PPARGC1A: variants seen among roughly 807,000 people sequenced by gnomAD.
PPARGC1A encodes the protein peroxisome proliferator-activated receptor gamma coactivator 1-alpha.
In PPARGC1A, 25 loss-of-function variants were observed where a neutral mutation model predicts 88.7. That is an observed-to-expected ratio of 0.28 (90% confidence interval 0.21 to 0.39). The LOEUF is 0.39. Ranked by LOEUF, PPARGC1A falls within the 10% of genes least tolerant of loss-of-function variation. The pLI is 1.00. For synonymous variants in PPARGC1A, 363 were observed against 355.6 expected, an observed-to-expected ratio of 1.02 and a Z score of -0.24; for missense variants, 880 against 968.7, an observed-to-expected ratio of 0.91 and a Z score of 1.22.
the PPARGC1A span, among the ~76,000 whole-genome samples, chr4:23,964,682 A>G: frequency 3.3e-5 from 5 of 152,156 alleles, no homozygotes; most frequent in South Asian, 2.1e-4. Context: ...ATCACACAGG[A>G]ATGTGTGTGC....
the PPARGC1A span, among the ~76,000 whole-genome samples, chr4:24,357,329 G>T: frequency 2.0e-5 from 3 of 152,192 alleles, no homozygotes; most frequent in Non-Finnish European, 4.4e-5. Context: ...GGCACAGCTA[G>T]AGCCAAACCC....
At chr4:24,324,241 C>T in the PPARGC1A span, among the ~76,000 whole-genome samples, 4 of 151,950 alleles carry the variant, frequency 2.6e-5, no homozygotes, top group Admixed American at 1.3e-4. Flanking sequence ...CCCTTCTCTG[C>T]CTTTCCTGGG....
chr4:24,283,594 T>C, the PPARGC1A span, among the ~76,000 whole-genome samples: 1 of 152,164 alleles, frequency 6.6e-6, no homozygotes, highest in African/African-American at 2.4e-5. Flanking sequence ...GAAAGAATGA[T>C]AACAACCATC....
At chr4:24,297,542 T>A in the PPARGC1A span, among the ~76,000 whole-genome samples, 1 of 152,184 alleles carries the variant, frequency 6.6e-6, no homozygotes, top group South Asian at 2.1e-4. Context: ...ATAATCTTGA[T>A]ATCTGGAAGA....
the PPARGC1A span, among the ~76,000 whole-genome samples, chr4:24,030,374 T>C: frequency 6.6e-6 from 1 of 152,238 alleles, no homozygotes; most frequent in Non-Finnish European, 1.5e-5. Context: ...TCATTTATAA[T>C]GGCTGATGTC....
At chr4:24,341,392 T>G in the PPARGC1A span, among the ~76,000 whole-genome samples, 3 of 152,118 alleles carry the variant, frequency 2.0e-5, no homozygotes, top group Non-Finnish European at 4.4e-5. Context: ...GGCACATATA[T>G]TTTAAGAACC....
the PPARGC1A span, among the ~76,000 whole-genome samples, chr4:24,359,398 G>C: frequency 1.8e-4 from 27 of 151,922 alleles, no homozygotes; most frequent in African/African-American, 5.8e-4. Flanking sequence ...CCTTTATCCC[G>C]GTCTCTACCC....
chr4:24,322,292 TTA>T, the PPARGC1A span, among the ~76,000 whole-genome samples: 1 of 152,226 alleles, frequency 6.6e-6, no homozygotes. Flanking sequence ...AGAGTATTTT[TTA>T]AAAAGAAAAG....
the PPARGC1A span, among the ~76,000 whole-genome samples, chr4:23,962,434 A>G: frequency 6.6e-6 from 1 of 152,084 alleles, no homozygotes; most frequent in Non-Finnish European, 1.5e-5. Context: ...GCACCTCACC[A>G]CTTGCCTTTC....
chr4:24,205,968 T>C, the PPARGC1A span, among the ~76,000 whole-genome samples: 9 of 152,206 alleles, frequency 5.9e-5, no homozygotes, highest in Admixed American at 2.0e-4. Context: ...AACTCAGCTC[T>C]AAAAGGCAAG....
chr4:24,356,278 A>T, the PPARGC1A span, among the ~76,000 whole-genome samples: 342 of 152,222 alleles, frequency 2.2e-3, no homozygotes, highest in Admixed American at 7.3e-3. Context: ...GGGAAGCTAC[A>T]GGGATTCCCT....
chr4:24,277,500 T>C, the PPARGC1A span, among the ~76,000 whole-genome samples: 1 of 135,882 alleles, frequency 7.4e-6, no homozygotes, highest in South Asian at 2.8e-4. Context: ...ATGAAGCCTG[T>C]CTCTTCCTTG....
the PPARGC1A span, among the ~76,000 whole-genome samples, chr4:24,368,813 C>A: frequency 6.6e-6 from 1 of 152,174 alleles, no homozygotes; most frequent in African/African-American, 2.4e-5. Context: ...CGAAGAGACA[C>A]ATCCATCAGG....
At chr4:24,337,084 G>T in the PPARGC1A span, among the ~76,000 whole-genome samples, 7 of 152,234 alleles carry the variant, frequency 4.6e-5, no homozygotes, top group Admixed American at 3.9e-4. Flanking sequence ...AAAAGTTCGT[G>T]CTCTCTCCAA....
At chr4:23,991,542 C>T in the PPARGC1A span, among the ~76,000 whole-genome samples, 2 of 151,966 alleles carry the variant, frequency 1.3e-5, no homozygotes, top group Non-Finnish European at 2.9e-5. Context: ...AAAGGAAAAG[C>T]TGGGTGGCTG....
chr4:23,809,499 G>T (rs1231113004), intron 10 of PPARGC1A, among the ~76,000 whole-genome samples: 2 of 151,936 alleles, frequency 1.3e-5, no homozygotes, highest in African/African-American at 4.8e-5. Context: ...CTTTTTTAGA[G>T]ACTTAGTATA....
At chr4:23,828,057 C>T (rs1724314688) in intron 5 of PPARGC1A, among the ~76,000 whole-genome samples, 1 of 152,110 alleles carries the variant, frequency 6.6e-6, no homozygotes, top group Non-Finnish European at 1.5e-5. Flanking sequence ...AATAAAAGCT[C>T]TATAATGAAT....
the PPARGC1A span, among the ~76,000 whole-genome samples, chr4:24,120,549 T>C: frequency 1.3e-5 from 2 of 152,170 alleles, no homozygotes; most frequent in Non-Finnish European, 2.9e-5. Context: ...GGAGAGTAAG[T>C]AACTTGCAAT....
chr4:23,964,057 G>C, the PPARGC1A span, among the ~76,000 whole-genome samples: 2 of 152,180 alleles, frequency 1.3e-5, no homozygotes, highest in African/African-American at 4.8e-5. Context: ...GATTCTATGA[G>C]ATTAATGTAA....
Sources: gnomAD v4.1 joint callset for allele counts (sites outside exome capture counted in the v4.1 genomes callset) on GRCh38, gnomAD v4.1.1 for gene constraint, MANE v1.5 for transcripts, NCBI Gene and HGNC (gene_info 2026-07-23, HGNC 2026-07-21) for gene names.